Variants in KCNJ6 observed in about 807,000 individuals in gnomAD.
KCNJ6 encodes potassium inwardly rectifying channel subfamily J member 6.
In KCNJ6, 9 loss-of-function variants were observed where a neutral mutation model predicts 34.2. The observed-to-expected ratio is 0.26, with a 90% CI of 0.16 to 0.46. The LOEUF (loss-of-function observed/expected upper bound fraction) is 0.46, where lower values mean the gene tolerates loss of function less well. KCNJ6 is among the 20% of genes least tolerant of loss of function. KCNJ6 has a pLI of 1.00. For missense variants in KCNJ6, 236 were observed against 531.3 expected (o/e 0.44, Z 5.46); for synonymous variants, 196 against 207.1 (o/e 0.95, Z 0.46).
chr21:37,871,451 G>A (rs2055651851), intron 1 of KCNJ6, among the ~76,000 whole-genome samples: 1 of 152,198 alleles, frequency 6.6e-6, no homozygotes, highest in African/African-American at 2.4e-5. Flanking sequence ...CCACGTATCT[G>A]GCAGAATGTT....
At chr21:37,732,972 A>AT (rs1474282106) in intron 2 of KCNJ6, among the ~76,000 whole-genome samples, 1 of 152,144 alleles carries the variant, frequency 6.6e-6, no homozygotes, top group Non-Finnish European at 1.5e-5. Flanking sequence ...ATTCAAGGGT[A>AT]TTTTCCCTGC....
chr21:37,660,247 C>T (rs1396914244), intron 3 of KCNJ6, among the ~76,000 whole-genome samples: 3 of 152,232 alleles, frequency 2.0e-5, no homozygotes, highest in Admixed American at 1.3e-4. Context: ...TCCAACTTGA[C>T]CAAGAAAGGC....
At chr21:37,865,383 C>T (rs1449740724) in intron 1 of KCNJ6, among the ~76,000 whole-genome samples, 1 of 152,112 alleles carries the variant, frequency 6.6e-6, no homozygotes, top group Admixed American at 6.5e-5. Flanking sequence ...TTTTGCCAGT[C>T]GTGTCCCATC....
rs540210001 is a variant in KCNJ6, at chr21:37,860,252, C to T, written c.-27-19543G>A. Among the ~76,000 whole-genome samples the T allele has an allele frequency of 1.1e-4, 16 of 152,258 alleles. No homozygotes were observed. The South Asian group carries it at 2.3e-3, about 22-fold the overall frequency. On this transcript the variant is annotated intron_variant, in intron 1 of 3. Transcript: ENST00000609713. ...CTTAATTGTTCTCCAATTACCTTAT[C>T]GGTGATAATTTTTCTCCAACTTGAG...
At chr21:37,815,452 A>G (rs2055342235) in intron 2 of KCNJ6, among the ~76,000 whole-genome samples, 1 of 152,240 alleles carries the variant, frequency 6.6e-6, no homozygotes, top group Non-Finnish European at 1.5e-5. Flanking sequence ...GAGGGGGAGA[A>G]GAATGGGTGT....
At chr21:37,738,572 T>C (rs2054924760) in intron 2 of KCNJ6, among the ~76,000 whole-genome samples, 1 of 152,250 alleles carries the variant, frequency 6.6e-6, no homozygotes, top group African/African-American at 2.4e-5. Context: ...TTGCGAATGA[T>C]GTGTCCTTGA....
At chr21:37,716,379 A>ATTT (rs367708496) in intron 2 of KCNJ6, among the ~76,000 whole-genome samples, 2 of 140,236 alleles carry the variant, frequency 1.4e-5, no homozygotes, top group East Asian at 2.1e-4. Flanking sequence ...AAAAGTTTAA[A>ATTT]TTTTTTTTTT....
intron 3 of KCNJ6, among the ~76,000 whole-genome samples, chr21:37,694,363 G>A (rs2054654550): frequency 6.6e-6 from 1 of 152,204 alleles, no homozygotes; most frequent in Non-Finnish European, 1.5e-5. Context: ...CGTTCAAATA[G>A]AGAAGGGGCA....
At chr21:37,834,877 T>C (rs745641715) in intron 2 of KCNJ6, among the ~76,000 whole-genome samples, 1 of 152,124 alleles carries the variant, frequency 6.6e-6, no homozygotes, top group Admixed American at 6.5e-5. Flanking sequence ...TCTGGCTGGA[T>C]GAAGATTCAG....
chr21:37,886,248 C>T, intron 1 of KCNJ6, among the ~76,000 whole-genome samples: 1 of 152,096 alleles, frequency 6.6e-6, no homozygotes, highest in East Asian at 1.9e-4. Context: ...CCAAGTTAAC[C>T]TAACTCTGCA....
At chr21:37,809,081 T>G (rs1369557577) in intron 2 of KCNJ6, among the ~76,000 whole-genome samples, 1 of 152,196 alleles carries the variant, frequency 6.6e-6, no homozygotes, top group Non-Finnish European at 1.5e-5. Context: ...CACACATATG[T>G]TTATTGCGGC....
chr21:37,707,235 T>C (rs775019494), intron 3 of KCNJ6, among the ~76,000 whole-genome samples: 17 of 152,202 alleles, frequency 1.1e-4, no homozygotes, highest in Non-Finnish European at 1.9e-4. Context: ...GAGTCATTTG[T>C]CATTCTATCA....
intron 1 of KCNJ6, among the ~76,000 whole-genome samples, chr21:37,912,512 A>G (rs1268849234): frequency 1.3e-5 from 2 of 152,216 alleles, no homozygotes; most frequent in Non-Finnish European, 2.9e-5. Context: ...ATTCTCGTAT[A>G]GCTTCATCCT....
At chr21:37,661,001 A>G (rs771074257) in intron 3 of KCNJ6, among the ~76,000 whole-genome samples, 3 of 152,208 alleles carry the variant, frequency 2.0e-5, no homozygotes, top group Non-Finnish European at 2.9e-5. Context: ...TTTACAGGGA[A>G]AACACTTTCA....
intron 2 of KCNJ6, among the ~76,000 whole-genome samples, chr21:37,809,295 T>C (rs960366880): frequency 1.3e-5 from 2 of 151,688 alleles, no homozygotes; most frequent in Admixed American, 6.6e-5. Flanking sequence ...AAACACCGCA[T>C]GTTCTCACTC....
chr21:37,876,150 T>A (rs1173335349), intron 1 of KCNJ6, among the ~76,000 whole-genome samples: 1 of 152,230 alleles, frequency 6.6e-6, no homozygotes, highest in Non-Finnish European at 1.5e-5. Flanking sequence ...CATGGGGTCC[T>A]GTGCAACTGC....
At chr21:37,780,616 T>C (rs991986366) in intron 2 of KCNJ6, among the ~76,000 whole-genome samples, 1 of 152,210 alleles carries the variant, frequency 6.6e-6, no homozygotes, top group Non-Finnish European at 1.5e-5. Context: ...GAATGCTCTG[T>C]ACTTTCTACT....
At chr21:37,729,977 G>A (rs1051249701) in intron 2 of KCNJ6, among the ~76,000 whole-genome samples, 63 of 152,208 alleles carry the variant, frequency 4.1e-4, no homozygotes, top group African/African-American at 1.4e-3. Flanking sequence ...GATTTGCCAG[G>A]AGGCAGAGCT....
rs750724869 is a variant in KCNJ6, at chr21:37,625,309, G to A, written c.1122C>T (p.Ala374=). Residue 374 remains alanine (A), a synonymous_variant, in exon 4 of 4, where the codon GCC becomes GCT. Transcript: ENST00000609713. The stretch of plus-strand genomic sequence containing the variant: ...AACTCAGGGGCAGCTCTGCCCTGCT[G>A]GCTAACTCGGCCAGCTCTTTGGCAC... The part of the protein sequence containing the change: ...SLSAKELAEL[A]SRAELPLSWS... 1.2e-6 allele frequency: 2 copies of A among 1,614,236 alleles called. No individual in the cohort carries two copies. Among genetic ancestry groups the A allele is most frequent in the Admixed American group, 1.7e-5 (1 of 60,024 alleles).
Sources: allele counts gnomAD v4.1 joint callset (sites outside exome capture counted in the v4.1 genomes callset), GRCh38; gene constraint gnomAD v4.1.1; transcripts MANE v1.5; gene names NCBI Gene and HGNC (gene_info 2026-07-23, HGNC 2026-07-21).